USP17L1: variants seen among roughly 807,000 people sequenced by gnomAD.
USP17L1 encodes ubiquitin specific peptidase 17 like family member 1.
A neutral mutation model predicts 31.4 loss-of-function variants in USP17L1; 42 were observed. The ratio of observed to expected loss-of-function variants is 1.34; its 90% CI spans 1.05 to 1.73. The LOEUF is 1.73. USP17L1 is among the 40% of genes most tolerant of loss of function. The probability of loss-of-function intolerance (pLI) is 0.00; values close to 1 mark genes in which losing one functional copy is unlikely to be tolerated. For synonymous variants in USP17L1, 230 were observed against 194.4 expected, an observed-to-expected ratio of 1.18 and a Z score of -1.52; for missense variants, 576 against 495.8, an observed-to-expected ratio of 1.16 and a Z score of -1.54.
rs749639262 is a variant in USP17L1, at chr8:7,333,817, C to T, written c.1431C>T (p.Asn477=). Residue 477 remains asparagine (N), a synonymous_variant, in exon 1 of 1, where the codon AAC becomes AAT. Transcript: ENST00000529559. The part of the protein sequence containing the change: ...HQSKYKCGMK[N]HHPEQQSSLL... ...CAAAATACAAGTGTGGGATGAAAAA[C>T]CATCATCCTGAACAGCAAAGCTCCC... The T allele has an allele frequency of 4.1e-6, 6 of 1,452,606 alleles. 1 individual carries two copies. In the South Asian group the frequency reaches 5.8e-5, roughly 14 times the overall value. The allele number at this position is 1,452,606 out of a possible 1,614,324, so 90.0% of individuals were successfully genotyped here.
At position 7,333,616 on chromosome 8, in the gene USP17L1, A is replaced by G. The variant is rs1417414027; in HGVS notation, c.1230A>G (p.Arg410=). 5 of 1,464,448 alleles carry G rather than the reference A, an allele frequency of 3.4e-6. No homozygotes were observed. In the South Asian group the frequency reaches 5.7e-5, roughly 17 times the overall value. 90.7% of individuals were successfully genotyped at this position (1,464,448 alleles called of 1,614,324 possible). ...DRRAKQGELK[R]DHPCLQAPEL... ...GAGCAAAGCAAGGAGAGCTCAAGAG[A>G]GACCACCCCTGCCTCCAGGCACCCG... Residue 410 remains arginine (R), a synonymous_variant, in exon 1 of 1, where the codon AGA becomes AGG. Transcript: ENST00000529559.
rs772361625 is a variant in USP17L1 at position 7,333,894 on chromosome 8, G to A, written c.1508G>A (p.Gly503Asp). Residue 503 changes from glycine to aspartate, a missense_variant, in exon 1 of 1, where the codon GGC (glycine) becomes GAC (aspartate). Transcript: ENST00000529559. ...ACAGATCAGGAGTCCATGAACACTG[G>A]CACACTCGCTTCTCTGCAAGGGAGG... Reference protein sequence around the residue: ...TRTDQESMNTGTLASLQGRTR... With the variant: ...TRTDQESMNTDTLASLQGRTR... 17 of 1,500,582 alleles carry A rather than the reference G, an allele frequency of 1.1e-5. 1 individual carries two copies. Among genetic ancestry groups the A allele is most frequent in the Non-Finnish European group, 1.3e-5 (14 of 1,107,352 alleles). 93.0% of individuals were successfully genotyped at this position (1,500,582 alleles called of 1,614,324 possible).
At position 7,333,443 on chromosome 8, in the gene USP17L1, G is replaced by A. The variant is rs763730771; in HGVS notation, c.1057G>A (p.Glu353Lys). 1.8e-5 allele frequency: 28 copies of A among 1,569,206 alleles called. 2 individuals are homozygous for A. Among genetic ancestry groups the A allele is most frequent in the African/African-American group, 4.1e-5 (2 of 49,064 alleles). Residue 353 changes from glutamate to lysine, a missense_variant, in exon 1 of 1, where the codon GAG becomes AAG. By Grantham distance (56) the Glu-to-Lys change is moderately conservative. Transcript: ENST00000529559. ...CCAGTGGTATAAAATGGATGATGCC[G>A]AGGTCACTGTCTGTAGCATCATTTC... The part of the protein sequence containing the change: ...EVQWYKMDDA[E>K]VTVCSIISVL...
At position 7,333,593 on chromosome 8, in the gene USP17L1, G is replaced by C. The variant is rs781498439; in HGVS notation, c.1207G>C (p.Ala403Pro). 50 of 1,476,564 alleles carry C rather than the reference G, an allele frequency of 3.4e-5. 1 individual carries two copies. Among genetic ancestry groups the C allele is most frequent in the Admixed American group, 6.9e-5 (4 of 58,170 alleles). The allele number at this position is 1,476,564 out of a possible 1,614,324, so 91.5% of individuals were successfully genotyped here. A position where few individuals can be genotyped will look rare whatever the true frequency, so the allele number is the denominator to read the frequency against. ...CGGCGCTGAAGACACAGACAGGCGA[G>C]CAAAGCAAGGAGAGCTCAAGAGAGA... ...ALGAEDTDRR[A>P]KQGELKRDHP... Residue 403 changes from alanine (A) to proline (P), a missense_variant, in exon 1 of 1, where the codon GCA (alanine) becomes CCA (proline). Transcript: ENST00000529559.
In USP17L1 at chr8:7,332,848, T is replaced by C. The variant is rs772828289; in HGVS notation, c.462T>C (p.His154=). 8 of 1,017,048 alleles carry C rather than the reference T, an allele frequency of 7.9e-6. No individual in the cohort carries two copies. The highest frequency in any genetic ancestry group is 6.5e-5 in the South Asian group (5 of 76,540). The allele number at this position is 1,017,048 out of a possible 1,614,324, so 63.0% of individuals were successfully genotyped here. A position where few individuals can be genotyped will look rare whatever the true frequency, so the allele number is the denominator to read the frequency against. ...CACAGGCATTGGCTGCTGGCTTCCA[T>C]AGAGGCAAGCAGGAAGATGTCCATG... ...QPSQALAAGF[H]RGKQEDVHEF... The change falls in exon 1 of 1, where the codon CAT becomes CAC. Residue 154 remains histidine, a synonymous_variant. Transcript: ENST00000529559.
Position 7,332,858 on chromosome 8 carries a change from C to G in USP17L1, c.472C>G (p.Gln158Glu), listed in dbSNP as rs1804115586. The change falls in exon 1 of 1, where the codon CAG becomes GAG. Residue 158 changes from glutamine (Q) to glutamate (E), a missense_variant. By Grantham distance (29) the Gln-to-Glu change is conservative (BLOSUM62 2). Transcript: ENST00000529559. ...ALAAGFHRGK[Q>E]EDVHEFLMFT... Reference sequence around the variant, plus strand: ...GGCTGCTGGCTTCCATAGAGGCAAGCAGGAAGATGTCCATGAATTTCTCAT... The same window carrying G: ...GGCTGCTGGCTTCCATAGAGGCAAGGAGGAAGATGTCCATGAATTTCTCAT... 2 of 1,060,030 alleles carry G rather than the reference C, an allele frequency of 1.9e-6. No individual in the cohort carries two copies. The highest frequency in any genetic ancestry group is 5.0e-5 in the East Asian group (2 of 40,066). The allele number at this position is 1,060,030 out of a possible 1,614,324, so 65.7% of individuals were successfully genotyped here.
Position 7,333,314 on chromosome 8 carries a change from C to A in USP17L1, c.928C>A (p.Gln310Lys). The A allele has an allele frequency of 7.2e-7, 1 of 1,395,048 alleles. No homozygotes were observed. Among genetic ancestry groups the A allele is most frequent in the Non-Finnish European group, 9.8e-7 (1 of 1,017,538 alleles). 86.4% of individuals were successfully genotyped at this position (1,395,048 alleles called of 1,614,324 possible). The change falls in exon 1 of 1, where the codon CAG (glutamine) becomes AAG (lysine). Residue 310 changes from glutamine to lysine, a missense_variant. Physicochemically the swap from Gln to Lys is moderately conservative, Grantham distance 53. Transcript: ENST00000529559. ...TGACATGCAGCCATACATGTCTCAG[C>A]AGAACACAGGACCTCTTGTCTATGT... is the stretch of plus-strand genomic sequence containing the variant. ...CLDMQPYMSQ[Q>K]NTGPLVYVLY...
Position 7,333,496 on chromosome 8 carries a change from C to G in USP17L1, c.1110C>G (p.Leu370=), listed in dbSNP as rs1380717322. Residue 370 remains leucine (L), a synonymous_variant, in exon 1 of 1, where the codon CTC becomes CTG. Coordinates refer to ENST00000529559, the MANE Select transcript of USP17L1 (RefSeq NM_001256873.1). ...TCCTGAGTCAACAGGCCTATGTCCT[C>G]TTTTACATCCAGAAGAGTGAATGGG... ...ISVLSQQAYV[L]FYIQKSEWER... The G allele has an allele frequency of 1.3e-6, 2 of 1,551,590 alleles. No homozygotes were observed. Among genetic ancestry groups the G allele is most frequent in the Non-Finnish European group, 1.7e-6 (2 of 1,150,020 alleles).
rs765693394 is a variant in USP17L1 at position 7,333,707 on chromosome 8, C to G, written c.1321C>G (p.Gln441Glu). Residue 441 changes from glutamine to glutamate, a missense_variant, in exon 1 of 1, where the codon CAA becomes GAA. By Grantham distance (29) the Gln-to-Glu change is conservative (BLOSUM62 2). Transcript: ENST00000529559. ...CACCTTAGACCACTGGAAATTCCTG[C>G]AAGAGCAAAACAAAACGAAGCCTGA... Reference protein sequence around the residue: ...ESTLDHWKFLQEQNKTKPEFN... With the variant: ...ESTLDHWKFLEEQNKTKPEFN... 4 of 1,587,130 alleles carry G rather than the reference C, an allele frequency of 2.5e-6. No individual in the cohort carries two copies. Among genetic ancestry groups the G allele is most frequent in the Admixed American group, 1.7e-5 (1 of 59,268 alleles).
rs748049187 is a variant in USP17L1, at chr8:7,333,613, G to C, written c.1227G>C (p.Lys409Asn). 3 of 1,468,808 alleles carry C rather than the reference G, an allele frequency of 2.0e-6. 1 individual carries two copies. The African/African-American group carries it at 6.2e-5, about 30-fold the overall frequency. 91.0% of individuals were successfully genotyped at this position (1,468,808 alleles called of 1,614,324 possible). Residue 409 changes from lysine (K) to asparagine (N), a missense_variant, in exon 1 of 1, where the codon AAG becomes AAC. Coordinates refer to ENST00000529559, the MANE Select transcript of USP17L1 (RefSeq NM_001256873.1). ...GGCGAGCAAAGCAAGGAGAGCTCAAGAGAGACCACCCCTGCCTCCAGGCAC... is the reference window on the plus strand; with the variant it reads ...GGCGAGCAAAGCAAGGAGAGCTCAACAGAGACCACCCCTGCCTCCAGGCAC... ...TDRRAKQGEL[K>N]RDHPCLQAPE...
chr8:7,332,971 A>G lies in USP17L1; in HGVS notation c.585A>G (p.Gln195=), dbSNP rs1804128234. 6.4e-7 allele frequency: 1 copy of G among 1,551,310 alleles called. No homozygotes were observed. Among genetic ancestry groups the G allele is most frequent in the African/African-American group, 2.1e-5 (1 of 46,886 alleles). ...HHCKDTTLIH[Q]IFGGCWRSQI... ...GCAAGGACACCACCCTCATCCACCA[A>G]ATATTTGGAGGCTGCTGGAGATCTC... The change falls in exon 1 of 1, where the codon CAA becomes CAG. Residue 195 remains glutamine, a synonymous_variant. Coordinates refer to ENST00000529559, the MANE Select transcript of USP17L1 (RefSeq NM_001256873.1).
At position 7,332,415 on chromosome 8, in the gene USP17L1, G is replaced by A. The variant is rs748619276; in HGVS notation, c.29G>A (p.Gly10Asp). The change falls in exon 1 of 1, where the codon GGT becomes GAT. Residue 10 changes from glycine to aspartate, a missense_variant. Transcript: ENST00000529559. ...GGGGACGACTCACTCTACTTGGGAG[G>A]TGAGTGGCAGTTCAACCACTTTTCA... The part of the protein sequence containing the change: MGDDSLYLG[G>D]EWQFNHFSKL... 5 of 593,360 alleles carry A rather than the reference G, an allele frequency of 8.4e-6. No individual in the cohort carries two copies. Among genetic ancestry groups the A allele is most frequent in the Non-Finnish European group, 1.4e-5 (5 of 357,600 alleles). 36.8% of individuals were successfully genotyped at this position (593,360 alleles called of 1,614,324 possible).
At position 7,332,842 on chromosome 8, in the gene USP17L1, C is replaced by T. The variant is rs1228783518; in HGVS notation, c.456C>T (p.Gly152=). ...VIQPSQALAA[G]FHRGKQEDVH... is the part of the protein sequence containing the mutation. Reference sequence around the variant, plus strand: ...AGCCCTCACAGGCATTGGCTGCTGGCTTCCATAGAGGCAAGCAGGAAGATG... The same window carrying T: ...AGCCCTCACAGGCATTGGCTGCTGGTTTCCATAGAGGCAAGCAGGAAGATG... Residue 152 remains glycine (G), a synonymous_variant, in exon 1 of 1, where the codon GGC becomes GGT. Transcript: ENST00000529559. The T allele has an allele frequency of 1.0e-6, 1 of 976,540 alleles. No homozygotes were observed. The highest frequency in any genetic ancestry group is 1.5e-6 in the Non-Finnish European group (1 of 669,516). 60.5% of individuals were successfully genotyped at this position (976,540 alleles called of 1,614,324 possible).
At position 7,333,391 on chromosome 8, in the gene USP17L1, C is replaced by T; in HGVS notation, c.1005C>T (p.Tyr335=). The change falls in exon 1 of 1, where the codon TAC becomes TAT. Residue 335 remains tyrosine (Y), a synonymous_variant. Transcript: ENST00000529559. ...HAGWSCHDGH[Y]FSYVKAQEVQ... is the part of the protein sequence containing the mutation. Reference sequence around the variant, plus strand: ...GGTGGAGTTGTCACGACGGACATTACTTCTCCTATGTCAAAGCTCAAGAAG... The same window carrying T: ...GGTGGAGTTGTCACGACGGACATTATTTCTCCTATGTCAAAGCTCAAGAAG... 2 of 1,574,156 alleles carry T rather than the reference C, an allele frequency of 1.3e-6. No homozygotes were observed. The highest frequency in any genetic ancestry group is 8.5e-7 in the Non-Finnish European group (1 of 1,171,496).
chr8:7,333,171 C>T lies in USP17L1; in HGVS notation c.785C>T (p.Pro262Leu), dbSNP rs757410284. Residue 262 changes from proline to leucine, a missense_variant, in exon 1 of 1, where the codon CCG (proline) becomes CTG (leucine). By Grantham distance (98) the Pro-to-Leu change is moderately conservative. Coordinates refer to ENST00000529559, the MANE Select transcript of USP17L1 (RefSeq NM_001256873.1). ...TGCGGTCTTTGTCTCCAGAGGGCGC[C>T]GGCCTCCAACACGTTAACTTTACAC... ...YHCGLCLQRA[P>L]ASNTLTLHTS... The T allele has an allele frequency of 9.0e-6, 7 of 781,152 alleles. No individual in the cohort carries two copies. Among genetic ancestry groups the T allele is most frequent in the Admixed American group, 6.3e-5 (3 of 47,674 alleles). 48.4% of individuals were successfully genotyped at this position (781,152 alleles called of 1,614,324 possible).
chr8:7,333,386 C>G lies in USP17L1; in HGVS notation c.1000C>G (p.His334Asp), dbSNP rs550094941. ...CGCTGGGTGGAGTTGTCACGACGGA[C>G]ATTACTTCTCCTATGTCAAAGCTCA... ...VHAGWSCHDG[H>D]YFSYVKAQEV... Residue 334 changes from histidine (H) to aspartate (D), a missense_variant, in exon 1 of 1, where the codon CAT (histidine) becomes GAT (aspartate). By Grantham distance (81) the His-to-Asp change is moderately conservative. Transcript: ENST00000529559. 1.3e-6 allele frequency: 2 copies of G among 1,572,722 alleles called. No individual in the cohort carries two copies. Among genetic ancestry groups the G allele is most frequent in the Admixed American group, 3.4e-5 (2 of 59,164 alleles).
chr8:7,333,537 G>T lies in USP17L1; in HGVS notation c.1151G>T (p.Ser384Ile). The T allele has an allele frequency of 2.7e-6, 4 of 1,476,640 alleles. No individual in the cohort carries two copies. Among genetic ancestry groups the T allele is most frequent in the Non-Finnish European group, 3.7e-6 (4 of 1,084,682 alleles). 91.5% of individuals were successfully genotyped at this position (1,476,640 alleles called of 1,614,324 possible). ...QKSEWERHSESVSRGREPRAL... is the reference protein window; with the variant it reads ...QKSEWERHSEIVSRGREPRAL... The stretch of plus-strand genomic sequence containing the variant: ...AGTGAATGGGAAAGACACAGTGAGA[G>T]TGTGTCAAGAGGCAGGGAACCAAGA... Residue 384 changes from serine to isoleucine, a missense_variant, in exon 1 of 1, where the codon AGT (serine) becomes ATT (isoleucine). By Grantham distance (142) the Ser-to-Ile change is moderately radical. Coordinates refer to ENST00000529559, the MANE Select transcript of USP17L1 (RefSeq NM_001256873.1).
chr8:7,332,964 T>C lies in USP17L1; in HGVS notation c.578T>C (p.Ile193Thr). Residue 193 changes from isoleucine (I) to threonine (T), a missense_variant, in exon 1 of 1, where the codon ATC becomes ACC. By Grantham distance (89) the Ile-to-Thr change is moderately conservative. Coordinates refer to ENST00000529559, the MANE Select transcript of USP17L1 (RefSeq NM_001256873.1). ...VDHHCKDTTL[I>T]HQIFGGCWRS... is the part of the protein sequence containing the mutation. ...CATCACTGCAAGGACACCACCCTCATCCACCAAATATTTGGAGGCTGCTGG... is the reference window on the plus strand; with the variant it reads ...CATCACTGCAAGGACACCACCCTCACCCACCAAATATTTGGAGGCTGCTGG... 6.4e-7 allele frequency: 1 copy of C among 1,557,012 alleles called. No homozygotes were observed.
chr8:7,332,926 C>T lies in USP17L1; in HGVS notation c.540C>T (p.His180=). The change falls in exon 1 of 1, where the codon CAC becomes CAT. Residue 180 remains histidine, a synonymous_variant. Coordinates refer to ENST00000529559, the MANE Select transcript of USP17L1 (RefSeq NM_001256873.1). ...DAMKKACLPG[H]KQVDHHCKDT... is the part of the protein sequence containing the mutation. ...TGAAAAAGGCATGCCTTCCCGGCCA[C>T]AAGCAGGTAGATCATCACTGCAAGG... is the stretch of plus-strand genomic sequence containing the variant. 1 of 1,553,116 alleles carries T rather than the reference C, an allele frequency of 6.4e-7. No individual in the cohort carries two copies. Among genetic ancestry groups the T allele is most frequent in the South Asian group, 1.1e-5 (1 of 89,428 alleles).
Sources: gnomAD v4.1 joint callset for allele counts on GRCh38, gnomAD v4.1.1 for gene constraint, MANE v1.5 for transcripts, NCBI Gene and HGNC (gene_info 2026-07-23, HGNC 2026-07-21) for gene names.